Variants in ACO1 observed in about 807,000 individuals in gnomAD.
ACO1 encodes aconitase 1, also known as cytoplasmic aconitate hydratase.
In ACO1, 78 loss-of-function variants were observed where a neutral mutation model predicts 105.1. The observed-to-expected ratio is 0.74, with a 90% CI of 0.62 to 0.90. The LOEUF (loss-of-function observed/expected upper bound fraction) is 0.90, where lower values mean the gene tolerates loss of function less well. ACO1 is among the 40% of genes least tolerant of loss of function. The pLI, the probability that ACO1 is intolerant of heterozygous loss-of-function variation, is 0.00. For synonymous variants in ACO1, 364 were observed against 397.4 expected (o/e 0.92, Z 1.00); for missense variants, 965 against 1,111.1 (o/e 0.87, Z 1.87).
intron 6 of ACO1, 114 bp from the exon 7 acceptor site, chr9:32,418,924 C>T (rs1366223317): frequency 1.3e-5 from 16 of 1,260,322 alleles, no homozygotes; most frequent in Non-Finnish European, 1.6e-5. Flanking sequence ...CATGACTCTG[C>T]ACCAATTAAA....
In ACO1 at chr9:32,423,437, A is replaced by T; in HGVS notation, c.1071+18A>T. 6.7e-7 allele frequency: 1 copy of T among 1,500,234 alleles called. No homozygotes were observed. Among genetic ancestry groups the T allele is most frequent in the South Asian group, 1.2e-5 (1 of 83,726 alleles). The allele number at this position is 1,500,234 out of a possible 1,614,324, so 92.9% of individuals were successfully genotyped here. A position where few individuals can be genotyped will look rare whatever the true frequency, so the allele number is the denominator to read the frequency against. Reference sequence around the variant, plus strand: ...TCACCCAGGTATGAGAGTGCCTTCCACTGTGCATGTATTTCCTCTTCCTCA... The same window carrying T: ...TCACCCAGGTATGAGAGTGCCTTCCTCTGTGCATGTATTTCCTCTTCCTCA... On this transcript the variant is annotated intron_variant, in intron 9 of 20. Coordinates refer to ENST00000309951, the MANE Select transcript of ACO1 (RefSeq NM_002197.3).
intron 20 of ACO1, 42 bp from the exon 21 acceptor site, chr9:32,449,956 C>T (rs542516625): frequency 5.9e-6 from 9 of 1,535,658 alleles, no homozygotes; most frequent in South Asian, 3.4e-5. Flanking sequence ...AGAGCTGTCT[C>T]GCCACCTCCC....
At chr9:32,437,042 C>T (rs1822377235) in intron 18 of ACO1, among the ~76,000 whole-genome samples, 1 of 152,210 alleles carries the variant, frequency 6.6e-6, no homozygotes, top group Admixed American at 6.5e-5. Flanking sequence ...TGTCACTTCC[C>T]TTCCCAGTGA....
At chr9:32,399,966 G>T (rs376883143) in intron 1 of ACO1, among the ~76,000 whole-genome samples, 248 of 69,748 alleles carry the variant, frequency 3.6e-3, no homozygotes, top group Middle Eastern at 0.013. Flanking sequence ...TTCTTTTTCT[G>T]TTTTTTTTTT....
At chr9:32,443,786 T>A (rs1284325503) in intron 19 of ACO1, among the ~76,000 whole-genome samples, 1 of 152,196 alleles carries the variant, frequency 6.6e-6, no homozygotes, top group Non-Finnish European at 1.5e-5. Flanking sequence ...AAGGCAAAGG[T>A]TACAAAATAT....
At chr9:32,444,130 T>A (rs1398520306) in intron 19 of ACO1, among the ~76,000 whole-genome samples, 1 of 152,202 alleles carries the variant, frequency 6.6e-6, no homozygotes, top group Admixed American at 6.5e-5. Context: ...TTCATCCATG[T>A]CCCTGCAAAG....
intron 1 of ACO1, among the ~76,000 whole-genome samples, chr9:32,387,891 G>C (rs1018616545): frequency 6.6e-6 from 1 of 152,232 alleles, no homozygotes; most frequent in African/African-American, 2.4e-5. Flanking sequence ...GTTTCAAAGA[G>C]AGAGTTTTAT....
intron 19 of ACO1, 24 bp downstream of exon 19, chr9:32,440,611 G>A: frequency 6.2e-7 from 1 of 1,611,196 alleles, no homozygotes; most frequent in Non-Finnish European, 8.5e-7. Context: ...AGACATCCTA[G>A]GAGGCAGCTC....
At chr9:32,435,929 T>G (rs1316904204) in intron 17 of ACO1, 1 of 466,614 alleles carries the variant, frequency 2.1e-6, no homozygotes, top group African/African-American at 2.0e-5. Flanking sequence ...CTTTATCTTA[T>G]ATGAAGCTTT....
intron 19 of ACO1, among the ~76,000 whole-genome samples, chr9:32,447,451 A>G (rs1822641790): frequency 6.6e-6 from 1 of 152,176 alleles, no homozygotes; most frequent in Non-Finnish European, 1.5e-5. Flanking sequence ...TGGTTATTCT[A>G]GTTAGCAATT....
intron 19 of ACO1, among the ~76,000 whole-genome samples, chr9:32,443,709 T>C (rs1442518967): frequency 6.6e-6 from 1 of 152,142 alleles, no homozygotes; most frequent in Non-Finnish European, 1.5e-5. Flanking sequence ...GTAGTATGAG[T>C]GTAGTGATAT....
chr9:32,433,890 T>C (rs899796471), intron 16 of ACO1, 58 bp downstream of exon 16: 4 of 1,299,440 alleles, frequency 3.1e-6, no homozygotes, highest in Non-Finnish European at 4.3e-6. Context: ...TTCCTAATAA[T>C]ATCTACTTTA....
At chr9:32,448,647 GC>G (rs1030093709) in intron 19 of ACO1, among the ~76,000 whole-genome samples, 2 of 152,084 alleles carry the variant, frequency 1.3e-5, no homozygotes, top group African/African-American at 4.8e-5. Context: ...GTGAGGTGAC[GC>G]CCCACCCCAC....
intron 1 of ACO1, among the ~76,000 whole-genome samples, chr9:32,403,209 G>A (rs535155615): frequency 6.6e-6 from 1 of 152,282 alleles, no homozygotes; most frequent in South Asian, 2.1e-4. Context: ...ATGCCGTTAC[G>A]CAAGGTTTTT....
intron 10 of ACO1, among the ~76,000 whole-genome samples, chr9:32,425,517 T>A (rs1343503421): frequency 6.6e-6 from 1 of 152,256 alleles, no homozygotes; most frequent in Admixed American, 6.5e-5. Flanking sequence ...AGACTAACTT[T>A]AAATTTGTAG....
At chr9:32,395,617 G>A (rs1034830854) in intron 1 of ACO1, among the ~76,000 whole-genome samples, 1 of 152,200 alleles carries the variant, frequency 6.6e-6, no homozygotes. Flanking sequence ...GGCTGAGGAA[G>A]ACCTCAAGGA....
At chr9:32,401,737 G>T (rs1211073976) in intron 1 of ACO1, among the ~76,000 whole-genome samples, 1 of 152,192 alleles carries the variant, frequency 6.6e-6, no homozygotes, top group African/African-American at 2.4e-5. Context: ...TTTACTGGGA[G>T]CATGGCTCAT....
chr9:32,409,931 C>G (rs909914692), intron 4 of ACO1, among the ~76,000 whole-genome samples: 1 of 152,186 alleles, frequency 6.6e-6, no homozygotes, highest in Non-Finnish European at 1.5e-5. Flanking sequence ...TCTTAACAAA[C>G]TTTGAAAGTG....
At chr9:32,402,293 A>G (rs1018365498) in intron 1 of ACO1, among the ~76,000 whole-genome samples, 3 of 152,092 alleles carry the variant, frequency 2.0e-5, no homozygotes, top group Non-Finnish European at 4.4e-5. Context: ...AGTGTGATAT[A>G]TGCTAACTCT....
Sources: gnomAD v4.1 joint callset for allele counts (sites outside exome capture counted in the v4.1 genomes callset) on GRCh38, gnomAD v4.1.1 for gene constraint, MANE v1.5 for transcripts, NCBI Gene and HGNC (gene_info 2026-07-23, HGNC 2026-07-21) for gene names.